KIAA1328: variants seen among roughly 807,000 people sequenced by gnomAD.
The protein encoded by KIAA1328 is protein hinderin.
Under a neutral mutation model 68.1 loss-of-function variants are expected in KIAA1328, and 52 were observed. The observed-to-expected ratio is 0.76, with a 90% CI of 0.61 to 0.96. The LOEUF (loss-of-function observed/expected upper bound fraction) is 0.96. Among genes scored for constraint, KIAA1328 ranks in the 40% least tolerant of loss-of-function variants. The pLI is 0.00. For synonymous variants in KIAA1328, 232 were observed against 239.4 expected (o/e 0.97, Z 0.28); for missense variants, 641 against 677.6 (o/e 0.95, Z 0.60).
intron 4 of KIAA1328, among the ~76,000 whole-genome samples, chr18:36,866,593 A>T (rs2038526376): frequency 6.6e-6 from 1 of 152,218 alleles, no homozygotes; most frequent in Non-Finnish European, 1.5e-5. Context: ...TTTCCCAATT[A>T]TATCATATAA....
chr18:36,858,873 T>C (rs1222590217), intron 4 of KIAA1328, among the ~76,000 whole-genome samples: 1 of 152,244 alleles, frequency 6.6e-6, no homozygotes, highest in East Asian at 1.9e-4. Flanking sequence ...TTGCTCTTAA[T>C]ACTTTTATGG....
intron 7 of KIAA1328, among the ~76,000 whole-genome samples, chr18:37,077,796 G>A (rs1374128184): frequency 1.3e-5 from 2 of 150,334 alleles, no homozygotes; most frequent in East Asian, 1.9e-4. Flanking sequence ...TCTTCAAGGA[G>A]AACTACAAAC....
intron 7 of KIAA1328, among the ~76,000 whole-genome samples, chr18:37,131,117 TG>T (rs1400252655): frequency 6.6e-6 from 1 of 152,250 alleles, no homozygotes; most frequent in Admixed American, 6.5e-5. Context: ...CGATAATGTT[TG>T]GGAACAACTA....
At chr18:37,029,089 A>G (rs1012169348) in intron 6 of KIAA1328, among the ~76,000 whole-genome samples, 1 of 152,072 alleles carries the variant, frequency 6.6e-6, no homozygotes, top group Non-Finnish European at 1.5e-5. Context: ...TTTCAGTAGG[A>G]TTGGTACCAG....
intron 5 of KIAA1328, among the ~76,000 whole-genome samples, chr18:36,898,694 A>G (rs1389687275): frequency 6.6e-6 from 1 of 152,018 alleles, no homozygotes; most frequent in Non-Finnish European, 1.5e-5. Context: ...ACACTTTTTT[A>G]AAGTCTTGGC....
intron 9 of KIAA1328, among the ~76,000 whole-genome samples, chr18:37,202,746 CAT>C (rs926685158): frequency 4.6e-5 from 7 of 152,058 alleles, no homozygotes; most frequent in African/African-American, 1.4e-4. Flanking sequence ...ATATTAATAA[CAT>C]ATTTATATAA....
chr18:37,066,357 T>C (rs545775914), intron 6 of KIAA1328, among the ~76,000 whole-genome samples: 1 of 152,344 alleles, frequency 6.6e-6, no homozygotes, highest in Non-Finnish European at 1.5e-5. Context: ...CCTATTTTGT[T>C]GAAAGTGGTT....
At chr18:36,854,853 C>T (rs1175144363) in intron 4 of KIAA1328, among the ~76,000 whole-genome samples, 1 of 152,014 alleles carries the variant, frequency 6.6e-6, no homozygotes, top group African/African-American at 2.4e-5. Context: ...CCCTGGTACC[C>T]CAGTTTACCG....
At chr18:37,095,975 C>G (rs987657621) in intron 7 of KIAA1328, among the ~76,000 whole-genome samples, 1 of 152,020 alleles carries the variant, frequency 6.6e-6, no homozygotes, top group Non-Finnish European at 1.5e-5. Flanking sequence ...TAATGAGTTA[C>G]AAGATTGAAC....
At chr18:36,854,161 A>G (rs2047309214) in intron 4 of KIAA1328, among the ~76,000 whole-genome samples, 2 of 152,188 alleles carry the variant, frequency 1.3e-5, no homozygotes, top group South Asian at 4.1e-4. Context: ...ACAGACATGC[A>G]TGCATACGGT....
At chr18:37,042,857 G>C (rs1013369583) in intron 6 of KIAA1328, among the ~76,000 whole-genome samples, 18 of 151,836 alleles carry the variant, frequency 1.2e-4, no homozygotes, top group Non-Finnish European at 2.1e-4. Context: ...TCTTCTTCTG[G>C]CTCTCCCGTT....
chr18:36,942,204 C>A (rs1202938086), intron 5 of KIAA1328, among the ~76,000 whole-genome samples: 1 of 152,132 alleles, frequency 6.6e-6, no homozygotes, highest in African/African-American at 2.4e-5. Context: ...GATGTGAGGC[C>A]TGTTGGCGCA....
rs575961259 is a variant in KIAA1328 at position 36,900,355 on chromosome 18, A to G, written c.448+14683A>G. The stretch of plus-strand genomic sequence containing the variant: ...CAAGGCCCATGATGGTAATGCCCCT[A>G]GATTTTGTCTTCAAAGAAAACTGCT... On this transcript the variant is annotated intron_variant, in intron 5 of 9. Transcript: ENST00000280020. Among the ~76,000 whole-genome samples the G allele has an allele frequency of 1.6e-4, 24 of 152,064 alleles. 1 individual carries two copies. The South Asian group carries it at 2.3e-3, about 14-fold the overall frequency.
intron 7 of KIAA1328, among the ~76,000 whole-genome samples, chr18:37,125,973 G>A (rs1006513386): frequency 1.3e-5 from 2 of 152,120 alleles, no homozygotes; most frequent in African/African-American, 4.8e-5. Flanking sequence ...AAGTACTTGT[G>A]CGTGAATGTG....
In KIAA1328 at chr18:37,175,439, T is replaced by C. The variant is rs929652492; in HGVS notation, c.1523+2358T>C. Among the ~76,000 whole-genome samples, 3 of 152,276 alleles carry C rather than the reference T, an allele frequency of 2.0e-5. No individual in the cohort carries two copies. In the South Asian group the frequency reaches 6.2e-4, roughly 32 times the overall value. On this transcript the variant is annotated intron_variant, in intron 9 of 9. Coordinates refer to ENST00000280020, the MANE Select transcript of KIAA1328 (RefSeq NM_020776.3). ...ACAGACTTTAAAAAAGGATTATCTA[T>C]TTGTCCTTAATACTGCAGATCAGCT...
intron 6 of KIAA1328, among the ~76,000 whole-genome samples, chr18:36,993,967 GT>G (rs1198945498): frequency 2.0e-4 from 26 of 129,142 alleles, no homozygotes; most frequent in Non-Finnish European, 3.2e-4. Flanking sequence ...AAATAGAAGA[GT>G]AAAAAAAAAA....
At chr18:36,990,707 A>G (rs1391123802) in intron 6 of KIAA1328, among the ~76,000 whole-genome samples, 1 of 150,984 alleles carries the variant, frequency 6.6e-6, no homozygotes, top group Non-Finnish European at 1.5e-5. Context: ...TTTTTTTCTA[A>G]TTTTCTTCTA....
intron 8 of KIAA1328, among the ~76,000 whole-genome samples, chr18:37,164,212 T>C (rs2059340182): frequency 6.6e-6 from 1 of 152,204 alleles, no homozygotes; most frequent in Non-Finnish European, 1.5e-5. Context: ...GCTTAACATG[T>C]GGTGTGGTAG....
At chr18:36,924,987 T>C (rs1187903153) in intron 5 of KIAA1328, 1 of 152,178 alleles carries the variant, frequency 6.6e-6, no homozygotes, top group East Asian at 1.9e-4. Context: ...CTGAGGTGAA[T>C]TTGTAAAGGG....
Sources: gnomAD v4.1 joint callset for allele counts (sites outside exome capture counted in the v4.1 genomes callset) on GRCh38, gnomAD v4.1.1 for gene constraint, MANE v1.5 for transcripts, NCBI Gene and HGNC (gene_info 2026-07-23, HGNC 2026-07-21) for gene names.